CSGALNACT1: variants seen among roughly 807,000 people sequenced by gnomAD.
CSGALNACT1 encodes the protein chondroitin sulfate N-acetylgalactosaminyltransferase 1.
Under a neutral mutation model 51.0 loss-of-function variants are expected in CSGALNACT1, and 52 were observed. That is an observed-to-expected ratio of 1.02 (90% CI 0.82 to 1.29). CSGALNACT1 has a LOEUF of 1.29. CSGALNACT1 is among the 50% of genes most tolerant of loss of function. The probability of loss-of-function intolerance (pLI) is 0.00; values close to 1 mark genes in which losing one functional copy is unlikely to be tolerated. For synonymous variants in CSGALNACT1, 341 were observed against 254.4 expected, an observed-to-expected ratio of 1.34 and a Z score of -3.24; for missense variants, 935 against 679.2, an observed-to-expected ratio of 1.38 and a Z score of -4.19.
intron 3 of CSGALNACT1, among the ~76,000 whole-genome samples, chr8:19,527,595 G>A (rs759814697): frequency 6.6e-6 from 1 of 152,188 alleles, no homozygotes; most frequent in African/African-American, 2.4e-5. Context: ...GGGTGACAAA[G>A]TGAGACTCCA....
In CSGALNACT1 at chr8:19,408,616, T is replaced by C. The variant is rs1033341419; in HGVS notation, c.1306A>G (p.Ile436Val). 8 of 1,613,476 alleles carry C rather than the reference T, an allele frequency of 5.0e-6. No individual in the cohort carries two copies. Among genetic ancestry groups the C allele is most frequent in the Admixed American group, 3.3e-5 (2 of 59,932 alleles). ...TAGAGATGCAGATTTGTCCTACCTA[T>C]ATTGATGAAGTCTGACCGATACTGA... Residue 436 changes from isoleucine to valine, a missense_variant, in exon 9 of 10, where the codon ATA (isoleucine) becomes GTA (valine). Ile to Val is a conservative substitution (Grantham distance 29). Transcript: ENST00000454498.
intron 3 of CSGALNACT1, among the ~76,000 whole-genome samples, chr8:19,589,879 AAT>A (rs1170694648): frequency 6.6e-6 from 1 of 152,236 alleles, no homozygotes; most frequent in Admixed American, 6.5e-5. Flanking sequence ...TTGTGGAAAG[AAT>A]ATGTGAAAAA....
chr8:19,733,304 T>C (rs910848824), intron 1 of CSGALNACT1, among the ~76,000 whole-genome samples: 1 of 152,226 alleles, frequency 6.6e-6, no homozygotes, highest in Non-Finnish European at 1.5e-5. Context: ...ACTTGCTCCT[T>C]GTGGTATGTT....
intron 1 of CSGALNACT1, among the ~76,000 whole-genome samples, chr8:19,701,145 T>A (rs899955838): frequency 2.2e-5 from 3 of 138,196 alleles, no homozygotes; most frequent in Non-Finnish European, 4.7e-5. Context: ...TCAGTTCATC[T>A]ATTATCCGTT....
At chr8:19,405,815 T>C (rs763973342) in exon 10 of CSGALNACT1, 14 of 1,614,196 alleles carry the variant, frequency 8.7e-6, no homozygotes, top group Non-Finnish European at 1.2e-5. Flanking sequence ...TGTTTCTGTT[T>C]GCGAAGGTGA....
chr8:19,438,036 G>A (rs1450676435), intron 6 of CSGALNACT1, among the ~76,000 whole-genome samples: 2 of 152,110 alleles, frequency 1.3e-5, no homozygotes, highest in Non-Finnish European at 2.9e-5. Context: ...CTTATCCATG[G>A]GACTCATTTA....
At chr8:19,665,144 G>A (rs985125660) in intron 1 of CSGALNACT1, among the ~76,000 whole-genome samples, 2 of 152,152 alleles carry the variant, frequency 1.3e-5, no homozygotes, top group African/African-American at 4.8e-5. Flanking sequence ...CTCCTGAGTA[G>A]GTGGGATTAC....
chr8:19,621,695 C>G (rs2053845639), intron 1 of CSGALNACT1, among the ~76,000 whole-genome samples: 1 of 151,962 alleles, frequency 6.6e-6, no homozygotes, highest in Non-Finnish European at 1.5e-5. Context: ...ACAGGAGGAT[C>G]TCCTAAGACC....
At chr8:19,557,504 C>G (rs2039734027) in intron 3 of CSGALNACT1, among the ~76,000 whole-genome samples, 1 of 152,192 alleles carries the variant, frequency 6.6e-6, no homozygotes. Flanking sequence ...TCAAAGCCCC[C>G]ACACTTCCCC....
At chr8:19,664,642 CACAA>C (rs777369753) in intron 1 of CSGALNACT1, among the ~76,000 whole-genome samples, 24 of 140,716 alleles carry the variant, frequency 1.7e-4, no homozygotes, top group Middle Eastern at 7.3e-3. Context: ...CACACAAACA[CACAA>C]ACACACACAC....
chr8:19,549,295 A>T (rs1322478948), intron 3 of CSGALNACT1, among the ~76,000 whole-genome samples: 3 of 152,208 alleles, frequency 2.0e-5, no homozygotes, highest in South Asian at 4.1e-4. Flanking sequence ...TTTTGTCTTA[A>T]ATATTGTTCC....
intron 9 of CSGALNACT1, among the ~76,000 whole-genome samples, chr8:19,406,762 G>A (rs1220065141): frequency 1.3e-5 from 2 of 152,102 alleles, no homozygotes; most frequent in Non-Finnish European, 2.9e-5. Flanking sequence ...GAAACGAGGG[G>A]CTTGCAGTGC....
At chr8:19,640,356 C>A (rs2056595129) in intron 1 of CSGALNACT1, among the ~76,000 whole-genome samples, 1 of 152,138 alleles carries the variant, frequency 6.6e-6, no homozygotes, top group Admixed American at 6.5e-5. Context: ...AATCTCCCAA[C>A]TCTCAAATCT....
At chr8:19,585,022 T>C (rs1032004924) in intron 3 of CSGALNACT1, 4 of 152,328 alleles carry the variant, frequency 2.6e-5, no homozygotes, top group African/African-American at 9.6e-5. Context: ...CAAGTTATCT[T>C]ATCTCCCTGA....
At chr8:19,630,772 G>T (rs2055140829) in intron 1 of CSGALNACT1, among the ~76,000 whole-genome samples, 1 of 152,128 alleles carries the variant, frequency 6.6e-6, no homozygotes, top group African/African-American at 2.4e-5. Context: ...ATGCATTCAA[G>T]CTTCCTCCAG....
At chr8:19,580,222 G>C (rs1049636556) in intron 3 of CSGALNACT1, among the ~76,000 whole-genome samples, 1 of 152,214 alleles carries the variant, frequency 6.6e-6, no homozygotes, top group African/African-American at 2.4e-5. Flanking sequence ...AGATCCGAGA[G>C]AAAAGACAGC....
At chr8:19,557,853 C>G (rs1338300456) in intron 3 of CSGALNACT1, among the ~76,000 whole-genome samples, 1 of 152,214 alleles carries the variant, frequency 6.6e-6, no homozygotes, top group Non-Finnish European at 1.5e-5. Flanking sequence ...CCACGCCATT[C>G]TTCTCAGTAC....
In CSGALNACT1 at chr8:19,757,512, C is replaced by T. The variant is rs28670771; in HGVS notation, c.-297+338G>A. ...GCGCCCGTCGGAGCGGCGCCCTGGC[C>T]GAAGCCTGTCACTCTCGGAAGGGGC... On this transcript the variant is annotated intron_variant, in intron 1 of 1. Coordinates refer to the CSGALNACT1 transcript ENST00000517494. The surrounding 1 kb of genome is among the most constrained non-coding windows in gnomAD (Gnocchi z 4.0). Among the ~76,000 whole-genome samples, 52,443 of 151,864 alleles carry T rather than the reference C, an allele frequency of 0.35. 9,494 individuals are homozygous for T. The highest frequency in any genetic ancestry group is 0.41 in the African/African-American group (16,953 of 41,454).
chr8:19,516,151 A>T (rs558867809), intron 3 of CSGALNACT1, among the ~76,000 whole-genome samples: 1 of 152,240 alleles, frequency 6.6e-6, no homozygotes, highest in South Asian at 2.1e-4. Flanking sequence ...GTGAGCATTT[A>T]CGTTGGGGCC....
Sources: allele counts gnomAD v4.1 joint callset (sites outside exome capture counted in the v4.1 genomes callset), GRCh38; gene constraint gnomAD v4.1.1; non-coding constraint Gnocchi (gnomAD v3.1); transcripts MANE v1.5; gene names NCBI Gene and HGNC (gene_info 2026-07-23, HGNC 2026-07-21).